PITPNM2: variants seen among roughly 807,000 people sequenced by gnomAD.
The protein encoded by PITPNM2 is membrane-associated phosphatidylinositol transfer protein 2.
PITPNM2 carries 35 observed loss-of-function variants against 132.2 expected under a neutral mutation model. The ratio of observed to expected loss-of-function variants is 0.26; its 90% confidence interval spans 0.20 to 0.35. The LOEUF is 0.35. PITPNM2 is among the 10% of genes least tolerant of loss of function. The pLI is 1.00. For missense variants in PITPNM2, 1,332 were observed against 1,912.0 expected, an observed-to-expected ratio of 0.70 and a Z score of 5.66; for synonymous variants, 738 against 799.2, an observed-to-expected ratio of 0.92 and a Z score of 1.29.
chr12:123,015,428 C>G (rs944940075), intron 3 of PITPNM2, among the ~76,000 whole-genome samples: 3 of 152,060 alleles, frequency 2.0e-5, no homozygotes, highest in Non-Finnish European at 4.4e-5. Context: ...GAGAAGGGTG[C>G]CAAGACCATC....
At chr12:123,123,377 C>T (rs903911028) in intron 1 of PITPNM2, among the ~76,000 whole-genome samples, 13 of 152,102 alleles carry the variant, frequency 8.5e-5, no homozygotes, top group African/African-American at 1.7e-4. Context: ...TCTAGGAGGC[C>T]GAGGTGAGAG....
intron 2 of PITPNM2, among the ~76,000 whole-genome samples, chr12:123,055,086 G>C (rs536379913): frequency 1.3e-5 from 2 of 152,156 alleles, no homozygotes; most frequent in African/African-American, 4.8e-5. Flanking sequence ...GAAAAGAAAA[G>C]AAAAGGTACA....
At chr12:122,990,486 C>T (rs1028741611) in intron 17 of PITPNM2, 59 bp downstream of exon 17, 4 of 1,593,250 alleles carry the variant, frequency 2.5e-6, no homozygotes, top group Non-Finnish European at 3.4e-6. Flanking sequence ...CAGCAGCTGT[C>T]CCCTGTGGGC....
rs541415761 is a variant in PITPNM2 at position 123,137,362 on chromosome 12, C to A, written c.-200+13391G>T. Among the ~76,000 whole-genome samples, 4 of 152,322 alleles carry A rather than the reference C, an allele frequency of 2.6e-5. No homozygotes were observed. In the South Asian group the frequency reaches 6.2e-4, roughly 24 times the overall value. On this transcript the variant is annotated intron_variant, in intron 1 of 25. Coordinates refer to ENST00000320201, the MANE Select transcript of PITPNM2 (RefSeq NM_020845.3). Reference sequence around the variant, plus strand: ...CAGATAGAATCACAGGTGAGCCCCTCTGGCTCCTTCCAGATCATGGAAGGC... The same window carrying A: ...CAGATAGAATCACAGGTGAGCCCCTATGGCTCCTTCCAGATCATGGAAGGC...
At chr12:123,072,514 C>T (rs1273563084) in intron 2 of PITPNM2, among the ~76,000 whole-genome samples, 1 of 152,222 alleles carries the variant, frequency 6.6e-6, no homozygotes, top group East Asian at 1.9e-4. Flanking sequence ...TCCCAAGACA[C>T]ACCTACCATT....
At chr12:123,146,225 G>A (rs1458689684) in intron 1 of PITPNM2, among the ~76,000 whole-genome samples, 1 of 152,140 alleles carries the variant, frequency 6.6e-6, no homozygotes, top group African/African-American at 2.4e-5. Flanking sequence ...GTACCTGAGT[G>A]ATGAAATGAT....
chr12:123,067,453 TCACA>T (rs55716436), intron 2 of PITPNM2, among the ~76,000 whole-genome samples: 61,778 of 136,330 alleles, frequency 0.45, 15,385 homozygotes, highest in East Asian at 0.68. Flanking sequence ...TGAAACTCCA[TCACA>T]CACACACACA....
chr12:123,098,288 G>C (rs2042463191), intron 2 of PITPNM2, among the ~76,000 whole-genome samples: 1 of 152,308 alleles, frequency 6.6e-6, no homozygotes, highest in Admixed American at 6.5e-5. Flanking sequence ...GCTCATGGGA[G>C]GAGGAAGAAG....
Position 122,996,454 on chromosome 12 carries a change from G to A in PITPNM2, c.1782+4C>T, listed in dbSNP as rs200392107. The A allele has an allele frequency of 1.2e-5, 20 of 1,612,976 alleles. No individual in the cohort carries two copies. In the East Asian group the frequency reaches 3.6e-4, roughly 29 times the overall value. ...GGGGACTGTCTGGGCCCCCACTTGG[G>A]TACCTGCATGCTGACCACGCTGCCC... On this transcript the variant is annotated splice_donor_region_variant and intron_variant, in intron 13 of 25. Transcript: ENST00000320201.
At chr12:123,070,156 C>A (rs1342589790) in intron 2 of PITPNM2, among the ~76,000 whole-genome samples, 1 of 152,316 alleles carries the variant, frequency 6.6e-6, no homozygotes, top group African/African-American at 2.4e-5. Context: ...CATGCCCTGG[C>A]CCCTAGCCCA....
upstream of PITPNM2, among the ~76,000 whole-genome samples, chr12:123,151,352 C>T (rs2137777087): frequency 6.6e-6 from 1 of 152,030 alleles, no homozygotes; most frequent in East Asian, 1.9e-4. Context: ...CGCGGATCCC[C>T]GCCCCGGGCT....
chr12:123,050,807 A>G (rs1361646344), intron 2 of PITPNM2, among the ~76,000 whole-genome samples: 1 of 152,140 alleles, frequency 6.6e-6, no homozygotes, highest in Non-Finnish European at 1.5e-5. Context: ...TCCCTTCATC[A>G]TGCCATAAAA....
At chr12:123,129,439 G>T (rs1020874620) in intron 1 of PITPNM2, among the ~76,000 whole-genome samples, 2 of 151,706 alleles carry the variant, frequency 1.3e-5, no homozygotes, top group Admixed American at 6.6e-5. Flanking sequence ...GCATGGTGGC[G>T]GGTGCCTGTA....
chr12:123,135,679 C>G (rs1280461655), intron 1 of PITPNM2, among the ~76,000 whole-genome samples: 2 of 152,132 alleles, frequency 1.3e-5, no homozygotes, highest in East Asian at 1.9e-4. Flanking sequence ...CCATGTTATT[C>G]CACGTGGCAG....
chr12:122,988,939 C>T (rs887312447), intron 18 of PITPNM2, 67 bp from the exon 19 acceptor site: 20 of 1,459,008 alleles, frequency 1.4e-5, no homozygotes, highest in African/African-American at 8.6e-5. Flanking sequence ...AAGGGTCACC[C>T]GGCCCCTCTG....
At chr12:123,042,091 G>A (rs930312351) in intron 2 of PITPNM2, among the ~76,000 whole-genome samples, 11 of 152,080 alleles carry the variant, frequency 7.2e-5, no homozygotes, top group African/African-American at 2.4e-4. Context: ...TCCAGGCACA[G>A]GCAGACGACC....
intron 1 of PITPNM2, among the ~76,000 whole-genome samples, chr12:123,144,009 C>T (rs1004406847): frequency 1.3e-5 from 2 of 152,222 alleles, no homozygotes; most frequent in Non-Finnish European, 2.9e-5. Context: ...TTGTGAATTA[C>T]CCTAGTCACT....
Position 123,009,055 on chromosome 12 carries a change from C to T in PITPNM2, c.643+795G>A, listed in dbSNP as rs2039059126. On this transcript the variant is annotated intron_variant, in intron 6 of 25. Transcript: ENST00000320201. This position sits in a 1 kb window ranked among gnomAD's most constrained non-coding sequence, Gnocchi z 4.8. ...TGCATAAGTGGAGTGACAATGCCTA[C>T]CCTCATGGGTTATCGTAAGCTTACG... Among the ~76,000 whole-genome samples the T allele has an allele frequency of 6.6e-6, 1 of 152,180 alleles. No individual in the cohort carries two copies. Among genetic ancestry groups the T allele is most frequent in the Admixed American group, 6.5e-5 (1 of 15,286 alleles).
intron 2 of PITPNM2, among the ~76,000 whole-genome samples, chr12:123,098,761 C>T (rs1252195796): frequency 6.6e-6 from 1 of 152,074 alleles, no homozygotes; most frequent in Non-Finnish European, 1.5e-5. Flanking sequence ...CCGAATCCCA[C>T]GGGCTCCCAA....
Sources: gnomAD v4.1 joint callset for allele counts (sites outside exome capture counted in the v4.1 genomes callset) on GRCh38, gnomAD v4.1.1 for gene constraint, Gnocchi (gnomAD v3.1) non-coding constraint, MANE v1.5 for transcripts, NCBI Gene and HGNC (gene_info 2026-07-23, HGNC 2026-07-21) for gene names.